SGCZ: variants seen among roughly 807,000 people sequenced by gnomAD.
SGCZ encodes sarcoglycan zeta, also known as zeta-sarcoglycan.
In SGCZ, 40 loss-of-function variants were observed where a neutral mutation model predicts 41.3. The ratio of observed to expected loss-of-function variants is 0.97; its 90% CI spans 0.75 to 1.26. SGCZ has a LOEUF of 1.26. Ranked by LOEUF, SGCZ falls within the 50% of genes most tolerant of loss-of-function variation. The probability of loss-of-function intolerance (pLI) is 0.00; values close to 1 mark genes in which losing one functional copy is unlikely to be tolerated. For synonymous variants in SGCZ, 206 were observed against 137.5 expected, an observed-to-expected ratio of 1.50 and a Z score of -3.49; for missense variants, 552 against 369.8, an observed-to-expected ratio of 1.49 and a Z score of -4.04.
At chr8:14,798,176 T>C (rs1235487250) in intron 1 of SGCZ, among the ~76,000 whole-genome samples, 1 of 152,220 alleles carries the variant, frequency 6.6e-6, no homozygotes, top group Non-Finnish European at 1.5e-5. Flanking sequence ...AAAATGTTAT[T>C]ATGTACAGAA....
At chr8:14,171,896 A>C (rs1023515491) in intron 4 of SGCZ, among the ~76,000 whole-genome samples, 4 of 152,172 alleles carry the variant, frequency 2.6e-5, no homozygotes, top group Admixed American at 6.6e-5. Flanking sequence ...AGTGAATTAA[A>C]TGCTGAACAA....
intron 1 of SGCZ, among the ~76,000 whole-genome samples, chr8:14,788,544 T>C (rs1280206124): frequency 6.6e-6 from 1 of 152,208 alleles, no homozygotes; most frequent in Non-Finnish European, 1.5e-5. Context: ...TCTAAGATTC[T>C]TCATTTAAAT....
At chr8:15,216,288 C>A (rs1204450101) in intron 1 of SGCZ, among the ~76,000 whole-genome samples, 1 of 139,326 alleles carries the variant, frequency 7.2e-6, no homozygotes, top group Non-Finnish European at 1.5e-5. Context: ...GGCACGATCT[C>A]GGCTCAAGGC....
At chr8:14,569,883 G>A (rs1301801944) in intron 1 of SGCZ, among the ~76,000 whole-genome samples, 1 of 151,746 alleles carries the variant, frequency 6.6e-6, no homozygotes, top group Non-Finnish European at 1.5e-5. Flanking sequence ...CCGGACCAGA[G>A]AGGTCAAATG....
At chr8:14,886,039 T>TTGTA (rs1804793647) in intron 1 of SGCZ, among the ~76,000 whole-genome samples, 1 of 100,456 alleles carries the variant, frequency 1.0e-5, no homozygotes, top group Non-Finnish European at 2.0e-5. Context: ...ATATATAAAA[T>TTGTA]TGTATACTTA....
At chr8:14,150,252 A>T (rs965389300) in intron 5 of SGCZ, among the ~76,000 whole-genome samples, 5 of 152,174 alleles carry the variant, frequency 3.3e-5, no homozygotes, top group African/African-American at 1.2e-4. Context: ...AAACCCACAA[A>T]CTGGGAGAAA....
intron 1 of SGCZ, among the ~76,000 whole-genome samples, chr8:14,579,639 A>G (rs886775525): frequency 6.6e-6 from 1 of 152,208 alleles, no homozygotes; most frequent in Non-Finnish European, 1.5e-5. Flanking sequence ...TTCACATCCT[A>G]TATCTTCAGT....
At chr8:14,512,492 G>T (rs1027620516) in intron 2 of SGCZ, among the ~76,000 whole-genome samples, 1 of 151,972 alleles carries the variant, frequency 6.6e-6, no homozygotes, top group South Asian at 2.1e-4. Context: ...ACAAGATCTC[G>T]CTCTGTTGCT....
At chr8:14,339,097 G>GT (rs35194564) in intron 2 of SGCZ, among the ~76,000 whole-genome samples, 83 of 151,554 alleles carry the variant, frequency 5.5e-4, no homozygotes, top group South Asian at 2.3e-3. Flanking sequence ...AACATATTAT[G>GT]TTTTTTTTTC....
At chr8:14,642,624 T>C (rs576928293) in intron 1 of SGCZ, among the ~76,000 whole-genome samples, 35 of 151,724 alleles carry the variant, frequency 2.3e-4, no homozygotes, top group African/African-American at 8.4e-4. Flanking sequence ...ATGTTAATTT[T>C]CAATGGTAGC....
chr8:14,921,725 C>G (rs181512782), intron 1 of SGCZ, among the ~76,000 whole-genome samples: 94 of 152,212 alleles, frequency 6.2e-4, no homozygotes, highest in African/African-American at 2.2e-3. Flanking sequence ...AATTGAACAT[C>G]TGCTGTGATG....
intron 2 of SGCZ, among the ~76,000 whole-genome samples, chr8:14,484,799 T>C (rs377291654): frequency 6.6e-6 from 1 of 152,216 alleles, no homozygotes; most frequent in Non-Finnish European, 1.5e-5. Flanking sequence ...AAAATCATTG[T>C]TGGTAATGAA....
At chr8:14,345,101 A>G (rs1802849193) in intron 2 of SGCZ, among the ~76,000 whole-genome samples, 1 of 152,130 alleles carries the variant, frequency 6.6e-6, no homozygotes, top group Admixed American at 6.5e-5. Context: ...AACCAACACA[A>G]TGGAAAATTA....
chr8:14,945,357 C>G (rs1800407498), intron 1 of SGCZ, among the ~76,000 whole-genome samples: 1 of 151,980 alleles, frequency 6.6e-6, no homozygotes, highest in South Asian at 2.1e-4. Context: ...TATCTCACAC[C>G]TTGTGTGAGA....
rs186729029 is a variant in SGCZ at position 14,206,579 on chromosome 8, C to T, written c.424+31013G>A. Among the ~76,000 whole-genome samples the T allele has an allele frequency of 2.6e-5, 4 of 152,248 alleles. No homozygotes were observed. The East Asian group carries it at 7.7e-4, about 29-fold the overall frequency. On this transcript the variant is annotated intron_variant, in intron 4 of 7. Coordinates refer to ENST00000382080, the MANE Select transcript of SGCZ (RefSeq NM_139167.4). ...AATTTCATCCAGTGAGATTTGAAAG[C>T]AATGCCCTGGAAATTTATGATGTGA...
chr8:14,650,479 T>G (rs1484442046), intron 1 of SGCZ, among the ~76,000 whole-genome samples: 1 of 102,634 alleles, frequency 9.7e-6, no homozygotes, highest in African/African-American at 2.7e-5. Context: ...CAACGGTTAT[T>G]TTTTTTTCTG....
In SGCZ at chr8:15,237,645, G is replaced by T. The variant is rs766147587; in HGVS notation, c.-22C>A. 3.0e-5 allele frequency: 47 copies of T among 1,577,282 alleles called. No homozygotes were observed. Among genetic ancestry groups the T allele is most frequent in the Non-Finnish European group, 3.8e-5 (44 of 1,159,406 alleles). ...CCATGGAGCGCAACTAAACGAAGTGGAGAGGAACCGGGCGAGTGGCACCCA... is the reference window on the plus strand; with the variant it reads ...CCATGGAGCGCAACTAAACGAAGTGTAGAGGAACCGGGCGAGTGGCACCCA... On this transcript the variant is annotated 5_prime_UTR_variant, in exon 1 of 8. Transcript: ENST00000382080.
intron 1 of SGCZ, among the ~76,000 whole-genome samples, chr8:15,073,998 A>C (rs1046913124): frequency 5.3e-5 from 8 of 152,216 alleles, no homozygotes; most frequent in Non-Finnish European, 1.2e-4. Context: ...GGATGATAAT[A>C]GTCCCTTCCC....
intron 1 of SGCZ, among the ~76,000 whole-genome samples, chr8:14,951,671 C>A (rs779563141): frequency 1.3e-5 from 2 of 151,890 alleles, no homozygotes; most frequent in Non-Finnish European, 2.9e-5. Context: ...TTACAATGAT[C>A]AAATGATTAA....
Sources: gnomAD v4.1 joint callset for allele counts (sites outside exome capture counted in the v4.1 genomes callset) on GRCh38, gnomAD v4.1.1 for gene constraint, MANE v1.5 for transcripts, NCBI Gene and HGNC (gene_info 2026-07-23, HGNC 2026-07-21) for gene names.